Variants in TANC2 observed in about 807,000 individuals in gnomAD.
TANC2 encodes the protein tetratricopeptide repeat, ankyrin repeat and coiled-coil containing 2.
In TANC2, 26 loss-of-function variants were observed where a neutral mutation model predicts 210.5. The observed-to-expected ratio is 0.12, with a 90% CI of 0.09 to 0.17. The LOEUF is 0.17. Ranked by LOEUF, TANC2 falls within the 10% of genes least tolerant of loss-of-function variation. The probability of loss-of-function intolerance (pLI) is 1.00; values close to 1 mark genes in which losing one functional copy is unlikely to be tolerated. For synonymous variants in TANC2, 931 were observed against 967.1 expected, an observed-to-expected ratio of 0.96 and a Z score of 0.69; for missense variants, 2,129 against 2,608.9, an observed-to-expected ratio of 0.82 and a Z score of 4.01.
chr17:63,352,354 T>A lies in TANC2; in HGVS notation c.1974+938T>A, dbSNP rs77932136. Among the ~76,000 whole-genome samples, 81 of 152,258 alleles carry A rather than the reference T, an allele frequency of 5.3e-4. 3 individuals carry two copies. In the East Asian group the frequency reaches 0.015, roughly 28 times the overall value. The stretch of plus-strand genomic sequence containing the variant: ...ATATTGACCAGTTAGCATTACTGTC[T>A]TCCATGATGAGAAACTATATTTCTA... On this transcript the variant is annotated intron_variant, in intron 13 of 27. Coordinates refer to ENST00000689528, the Ensembl canonical transcript of TANC2.
intron 2 of TANC2, among the ~76,000 whole-genome samples, chr17:63,069,083 CT>C (rs2036305394): frequency 6.6e-6 from 1 of 151,952 alleles, no homozygotes; most frequent in Non-Finnish European, 1.5e-5. Context: ...TATGGGAAAT[CT>C]TAAGATTTGG....
At chr17:63,187,874 A>G (rs557168965) in intron 5 of TANC2, among the ~76,000 whole-genome samples, 1 of 152,294 alleles carries the variant, frequency 6.6e-6, no homozygotes, top group African/African-American at 2.4e-5. Context: ...TAAATTCTTT[A>G]ATTTTCAAAT....
At chr17:63,304,417 T>C (rs1055308843) in intron 9 of TANC2, among the ~76,000 whole-genome samples, 1 of 152,180 alleles carries the variant, frequency 6.6e-6, no homozygotes, top group Non-Finnish European at 1.5e-5. Context: ...GAATTCTCAC[T>C]CGAGGAGGCT....
Position 63,055,990 on chromosome 17 carries a change from AATATATAT to A in TANC2, c.68-17926_68-17919del, listed in dbSNP as rs57112801. On this transcript the variant is annotated intron_variant, in intron 2 of 27. Coordinates refer to ENST00000689528, the Ensembl canonical transcript of TANC2. ...CAAAAAAAAAAAAAAAAAAAAAAAA[AATATATAT>A]ATATATATATATATATATATATATA... Among the ~76,000 whole-genome samples the A allele has an allele frequency of 3.8e-3, 38 of 10,090 alleles. 1 individual carries two copies. Among genetic ancestry groups the A allele is most frequent in the Non-Finnish European group, 6.3e-3 (29 of 4,606 alleles). 6.6% of individuals were successfully genotyped at this position (10,090 alleles called of 152,430 possible).
chr17:63,193,801 C>A (rs563323958), intron 5 of TANC2, 190 bp from the exon 6 acceptor site: 1 of 525,344 alleles, frequency 1.9e-6, no homozygotes, highest in Non-Finnish European at 3.0e-6. Context: ...TTATTTGATT[C>A]GTGTAAATTT....
chr17:63,163,014 C>T (rs2040080874), intron 5 of TANC2, among the ~76,000 whole-genome samples: 1 of 151,608 alleles, frequency 6.6e-6, no homozygotes, highest in South Asian at 2.1e-4. Context: ...GGGGTTTGGC[C>T]AGATTGGAAT....
chr17:63,244,605 A>G (rs2042864854), intron 8 of TANC2, among the ~76,000 whole-genome samples: 1 of 152,242 alleles, frequency 6.6e-6, no homozygotes, highest in Non-Finnish European at 1.5e-5. Flanking sequence ...CAATTGGGAT[A>G]CAAACAAGAT....
intron 8 of TANC2, among the ~76,000 whole-genome samples, chr17:63,265,202 T>G (rs2043487082): frequency 6.6e-6 from 1 of 152,222 alleles, no homozygotes; most frequent in South Asian, 2.1e-4. Flanking sequence ...GCTGACCTGA[T>G]GCTCAAAGGA....
intron 2 of TANC2, among the ~76,000 whole-genome samples, chr17:63,061,233 G>A (rs1380971764): frequency 6.6e-6 from 1 of 152,118 alleles, no homozygotes; most frequent in Non-Finnish European, 1.5e-5. Context: ...CGGGCGTGGT[G>A]GCTGGCACCT....
At chr17:63,340,662 G>C (rs889531725) in intron 12 of TANC2, among the ~76,000 whole-genome samples, 3 of 152,078 alleles carry the variant, frequency 2.0e-5, no homozygotes, top group Non-Finnish European at 4.4e-5. Flanking sequence ...GCAGTGTTGT[G>C]AAGTTTCTAT....
At chr17:63,219,155 C>A (rs1255887603) in intron 7 of TANC2, among the ~76,000 whole-genome samples, 1 of 152,096 alleles carries the variant, frequency 6.6e-6, no homozygotes, top group Non-Finnish European at 1.5e-5. Context: ...CACAGTACTC[C>A]ATACTGTTAA....
chr17:63,338,770 C>G (rs1465649203), intron 11 of TANC2: 2 of 152,314 alleles, frequency 1.3e-5, no homozygotes, highest in Middle Eastern at 3.4e-3. Context: ...ACAGGCAATT[C>G]CTATCTTCAG....
chr17:63,025,669 A>T (rs1410974373), intron 2 of TANC2, among the ~76,000 whole-genome samples: 2 of 151,740 alleles, frequency 1.3e-5, no homozygotes, highest in Non-Finnish European at 2.9e-5. Flanking sequence ...GGTGGCACAC[A>T]TCTGTAATCC....
chr17:63,340,143 T>C, exon 12 of TANC2: 1 of 1,613,968 alleles, frequency 6.2e-7, no homozygotes, highest in Non-Finnish European at 8.5e-7. Flanking sequence ...TGCCTACACT[T>C]GCTTGGTGCC....
intron 2 of TANC2, among the ~76,000 whole-genome samples, chr17:63,061,284 T>C (rs1372221675): frequency 1.3e-5 from 2 of 151,444 alleles, no homozygotes; most frequent in African/African-American, 4.8e-5. Flanking sequence ...GGAGAGTTGC[T>C]TGAATCCAGG....
At chr17:63,158,366 T>C (rs1318175151) in intron 5 of TANC2, among the ~76,000 whole-genome samples, 1 of 152,202 alleles carries the variant, frequency 6.6e-6, no homozygotes, top group African/African-American at 2.4e-5. Context: ...CTCACATGTA[T>C]ATACTATTAC....
chr17:63,101,743 G>A (rs909570503), intron 4 of TANC2, among the ~76,000 whole-genome samples: 11 of 152,306 alleles, frequency 7.2e-5, no homozygotes, highest in Admixed American at 5.9e-4. Flanking sequence ...CAAAGGTAAT[G>A]CAATATGGAA....
At chr17:63,015,548 A>C (rs543156885) in intron 2 of TANC2, among the ~76,000 whole-genome samples, 2 of 151,736 alleles carry the variant, frequency 1.3e-5, no homozygotes, top group Admixed American at 6.6e-5. Context: ...ATTCCCACCT[A>C]TGAGTGAGAA....
chr17:63,246,243 C>CTTTTTTTTTTTTTT (rs141334352), intron 8 of TANC2, among the ~76,000 whole-genome samples: 1 of 148,108 alleles, frequency 6.8e-6, no homozygotes. Flanking sequence ...CTGGCCAGAA[C>CTTTTTTTTTTTTTT]TTTTTTTTTT....
Sources: gnomAD v4.1 joint callset for allele counts (sites outside exome capture counted in the v4.1 genomes callset) on GRCh38, gnomAD v4.1.1 for gene constraint, MANE v1.5 for transcripts, NCBI Gene and HGNC (gene_info 2026-07-23, HGNC 2026-07-21) for gene names.